MACROD2: variants seen among roughly 807,000 people sequenced by gnomAD.
MACROD2 encodes the protein ADP-ribose glycohydrolase MACROD2.
A neutral mutation model predicts 70.4 loss-of-function variants in MACROD2; 36 were observed. The ratio of observed to expected loss-of-function variants is 0.51; its 90% CI spans 0.39 to 0.68. The LOEUF is 0.68. Ranked by LOEUF, MACROD2 falls within the 30% of genes least tolerant of loss-of-function variation. The pLI, the probability that MACROD2 is intolerant of heterozygous loss-of-function variation, is 0.00. For missense variants in MACROD2, 496 were observed against 538.4 expected, an observed-to-expected ratio of 0.92 and a Z score of 0.78; for synonymous variants, 172 against 178.8, an observed-to-expected ratio of 0.96 and a Z score of 0.30.
intron 4 of MACROD2, among the ~76,000 whole-genome samples, chr20:14,558,877 A>G (rs2024920): frequency 0.98 from 148,569 of 151,576 alleles, 72,882 homozygotes; most frequent in East Asian, 1. Context: ...GTGTATGTGT[A>G]TGTGTGTATT....
chr20:15,963,879 A>T (rs923870903), intron 12 of MACROD2, among the ~76,000 whole-genome samples: 3 of 151,816 alleles, frequency 2.0e-5, no homozygotes, highest in African/African-American at 7.3e-5. Flanking sequence ...ATTCTTGTTA[A>T]TCTTAAAAGC....
intron 5 of MACROD2, among the ~76,000 whole-genome samples, chr20:15,161,245 A>G (rs1183384973): frequency 6.6e-6 from 1 of 151,964 alleles, no homozygotes; most frequent in African/African-American, 2.4e-5. Flanking sequence ...TGCTCAATAA[A>G]AAAATCATTT....
intron 5 of MACROD2, among the ~76,000 whole-genome samples, chr20:14,926,031 A>T (rs1006314022): frequency 6.6e-6 from 1 of 152,168 alleles, no homozygotes; most frequent in Admixed American, 6.5e-5. Flanking sequence ...GTCTCTTCAC[A>T]TGGTCATTGA....
intron 4 of MACROD2, among the ~76,000 whole-genome samples, chr20:14,596,265 AT>A: frequency 6.6e-6 from 1 of 151,212 alleles, no homozygotes; most frequent in African/African-American, 2.4e-5. Context: ...GATTTTTTGT[AT>A]TTTTTAGTAG....
At chr20:15,005,225 A>G (rs1279136022) in intron 5 of MACROD2, among the ~76,000 whole-genome samples, 2 of 152,228 alleles carry the variant, frequency 1.3e-5, no homozygotes, top group East Asian at 1.9e-4. Context: ...TTGACAGAAT[A>G]GAAGAGACTG....
chr20:15,371,590 C>CTATG (rs2045495048), intron 6 of MACROD2, among the ~76,000 whole-genome samples: 1 of 152,110 alleles, frequency 6.6e-6, no homozygotes, highest in Non-Finnish European at 1.5e-5. Context: ...GGAATCCTAA[C>CTATG]TATGGATGGA....
intron 12 of MACROD2, among the ~76,000 whole-genome samples, chr20:15,951,973 G>A (rs1214079577): frequency 2.0e-5 from 3 of 152,156 alleles, no homozygotes; most frequent in South Asian, 2.1e-4. Context: ...ACCACATGTA[G>A]TGGGAGGGAC....
chr20:14,608,703 T>G (rs1294579694), intron 4 of MACROD2, among the ~76,000 whole-genome samples: 2 of 152,164 alleles, frequency 1.3e-5, no homozygotes, highest in African/African-American at 4.8e-5. Context: ...AGTGTCAGTA[T>G]ACAGTAAATC....
At chr20:15,836,277 T>C (rs754526670) in intron 8 of MACROD2, among the ~76,000 whole-genome samples, 6 of 152,168 alleles carry the variant, frequency 3.9e-5, no homozygotes, top group African/African-American at 9.7e-5. Flanking sequence ...AGATTGGCCA[T>C]GGAATGAAAG....
At chr20:15,001,391 T>C (rs2074994185) in intron 5 of MACROD2, among the ~76,000 whole-genome samples, 1 of 152,316 alleles carries the variant, frequency 6.6e-6, no homozygotes, top group South Asian at 2.1e-4. Flanking sequence ...CACTCTGCTC[T>C]GTCATGATTA....
At chr20:14,711,943 G>A (rs1403952075) in intron 5 of MACROD2, among the ~76,000 whole-genome samples, 1 of 152,120 alleles carries the variant, frequency 6.6e-6, no homozygotes, top group Non-Finnish European at 1.5e-5. Flanking sequence ...CTTAAGTGCT[G>A]ACCAGACTTC....
At chr20:16,035,668 G>A (rs972153114) in intron 15 of MACROD2, among the ~76,000 whole-genome samples, 1 of 152,006 alleles carries the variant, frequency 6.6e-6, no homozygotes, top group African/African-American at 2.4e-5. Flanking sequence ...CCACAGTAAT[G>A]TAATGCTTCA....
At chr20:15,497,313 G>T (rs1441352968) in intron 7 of MACROD2, among the ~76,000 whole-genome samples, 1 of 151,436 alleles carries the variant, frequency 6.6e-6, no homozygotes, top group Non-Finnish European at 1.5e-5. Context: ...TTTTTTTTGA[G>T]ACAGAGTCTT....
chr20:14,509,462 C>T (rs2085005367), intron 4 of MACROD2, among the ~76,000 whole-genome samples: 1 of 151,984 alleles, frequency 6.6e-6, no homozygotes, highest in Admixed American at 6.6e-5. Flanking sequence ...ATGTTAGAGA[C>T]TATATATTTC....
chr20:14,363,528 A>G (rs1420207217), intron 3 of MACROD2, among the ~76,000 whole-genome samples: 2 of 152,158 alleles, frequency 1.3e-5, no homozygotes, highest in Admixed American at 1.3e-4. Context: ...TATTTAGAAA[A>G]TAAGATTAGG....
intron 5 of MACROD2, among the ~76,000 whole-genome samples, chr20:14,881,130 T>A (rs1163628788): frequency 6.6e-6 from 1 of 151,992 alleles, no homozygotes; most frequent in Non-Finnish European, 1.5e-5. Context: ...AATGAGAGGA[T>A]GTTGCAATGG....
At chr20:15,027,632 T>C (rs886786499) in intron 5 of MACROD2, among the ~76,000 whole-genome samples, 1 of 151,760 alleles carries the variant, frequency 6.6e-6, no homozygotes, top group Non-Finnish European at 1.5e-5. Flanking sequence ...CCCAGCACTT[T>C]TGGAGGCCAA....
chr20:15,840,822 AC>A (rs1270297239), intron 8 of MACROD2, among the ~76,000 whole-genome samples: 16 of 152,156 alleles, frequency 1.1e-4, no homozygotes, highest in African/African-American at 3.9e-4. Flanking sequence ...GCTGTGAAAG[AC>A]TCCAGAGCAT....
At chr20:14,718,910 T>C (rs2071429641) in intron 5 of MACROD2, among the ~76,000 whole-genome samples, 1 of 152,202 alleles carries the variant, frequency 6.6e-6, no homozygotes, top group Non-Finnish European at 1.5e-5. Context: ...GCCTCCTGTA[T>C]AGAATGCTTA....
Sources: allele counts gnomAD v4.1 joint callset (sites outside exome capture counted in the v4.1 genomes callset), GRCh38; gene constraint gnomAD v4.1.1; transcripts MANE v1.5; gene names NCBI Gene and HGNC (gene_info 2026-07-23, HGNC 2026-07-21).